Variants in EFR3A observed in about 807,000 individuals in gnomAD.
The protein encoded by EFR3A is protein EFR3 homolog A.
A neutral mutation model predicts 104.4 loss-of-function variants in EFR3A; 76 were observed. That is an observed-to-expected ratio of 0.73 (90% CI 0.60 to 0.88). EFR3A has a LOEUF of 0.88. EFR3A is among the 40% of genes least tolerant of loss of function. EFR3A has a pLI of 0.00. For missense variants in EFR3A, 985 were observed against 1,012.5 expected (o/e 0.97, Z 0.37); for synonymous variants, 330 against 330.0 (o/e 1.00, Z 0.00).
chr8:131,925,961 AT>A (rs955454375), intron 1 of EFR3A, among the ~76,000 whole-genome samples: 24 of 150,760 alleles, frequency 1.6e-4, no homozygotes, highest in Non-Finnish European at 2.1e-4. Flanking sequence ...TAATGTTATT[AT>A]TTTTTTTTGA....
At chr8:131,947,999 A>G (rs188690979) in intron 4 of EFR3A, among the ~76,000 whole-genome samples, 19 of 152,222 alleles carry the variant, frequency 1.2e-4, no homozygotes, top group African/African-American at 3.9e-4. Context: ...AATAGTGATA[A>G]TATTTTTTCT....
intron 8 of EFR3A, among the ~76,000 whole-genome samples, chr8:131,960,320 T>C (rs932862209): frequency 2.6e-5 from 4 of 152,146 alleles, no homozygotes; most frequent in Non-Finnish European, 5.9e-5. Flanking sequence ...CTATTATTTG[T>C]CGGATTCAAA....
At chr8:131,940,680 C>G in intron 2 of EFR3A, 105 bp downstream of exon 2, 1 of 1,444,786 alleles carries the variant, frequency 6.9e-7, no homozygotes, top group Non-Finnish European at 9.1e-7. Flanking sequence ...TTTACCCTTA[C>G]ATCTCATCAT....
At chr8:131,936,438 A>G (rs115184096) in intron 1 of EFR3A, among the ~76,000 whole-genome samples, 19 of 152,102 alleles carry the variant, frequency 1.2e-4, no homozygotes, top group African/African-American at 4.3e-4. Flanking sequence ...TAGTGTCACA[A>G]CCCACAGGTT....
At chr8:131,964,956 G>T (rs1171300841) in intron 8 of EFR3A, among the ~76,000 whole-genome samples, 1 of 152,086 alleles carries the variant, frequency 6.6e-6, no homozygotes, top group Non-Finnish European at 1.5e-5. Context: ...AGAAAAACAA[G>T]AAATGGGGAA....
rs960882260 is a variant in EFR3A at position 132,013,007 on chromosome 8, C to G, written c.*2112C>G. 3 of 152,056 alleles carry G rather than the reference C, an allele frequency of 2.0e-5. No individual in the cohort carries two copies. Among genetic ancestry groups the G allele is most frequent in the African/African-American group, 7.2e-5 (3 of 41,396 alleles). 9.4% of individuals were successfully genotyped at this position (152,056 alleles called of 1,614,324 possible). A position where few individuals can be genotyped will look rare whatever the true frequency, so the allele number is the denominator to read the frequency against. On this transcript the variant is annotated 3_prime_UTR_variant, in exon 23 of 23. Coordinates refer to ENST00000254624, the MANE Select transcript of EFR3A (RefSeq NM_015137.6). ...TGGATTTCTGAACTGGTCTTGTTGACAAGGATTCCCAAGAAATGGATCTTT... is the reference window on the plus strand; with the variant it reads ...TGGATTTCTGAACTGGTCTTGTTGAGAAGGATTCCCAAGAAATGGATCTTT...
rs779559600 is a variant in EFR3A at position 132,012,775 on chromosome 8, AATAT to A, written c.*1885_*1888del. ...TATAATTTAATAGTATAAAAAATAA[AATAT>A]ATATTCATTTGCACTTACGTGAAAC... is the stretch of plus-strand genomic sequence containing the variant. On this transcript the variant is annotated 3_prime_UTR_variant, in exon 23 of 23. Transcript: ENST00000254624. 1 of 152,294 alleles carries A rather than the reference AATAT, an allele frequency of 6.6e-6. No individual in the cohort carries two copies. Among genetic ancestry groups the A allele is most frequent in the African/African-American group, 2.4e-5 (1 of 41,416 alleles). 9.4% of individuals were successfully genotyped at this position (152,294 alleles called of 1,614,324 possible).
Position 131,934,469 on chromosome 8 carries a change from T to C in EFR3A, c.11-6030T>C, listed in dbSNP as rs144327939. 7.0e-4 allele frequency among the ~76,000 whole-genome samples: 106 copies of C among 152,306 alleles called. No homozygotes were observed. In the East Asian group the frequency reaches 0.016, roughly 23 times the overall value. On this transcript the variant is annotated intron_variant, in intron 1 of 22. Coordinates refer to ENST00000254624, the MANE Select transcript of EFR3A (RefSeq NM_015137.6). ...TACAGCTGTGCAGTCTATTTGACAT[T>C]GGAGAGCCTTTGTCCTAAAATGTCC...
chr8:131,952,076 C>T (rs748032718), intron 5 of EFR3A, among the ~76,000 whole-genome samples: 1 of 152,006 alleles, frequency 6.6e-6, no homozygotes, highest in Non-Finnish European at 1.5e-5. Flanking sequence ...CTTGTAGAGT[C>T]ATGCATCACA....
intron 5 of EFR3A, among the ~76,000 whole-genome samples, chr8:131,951,265 G>T (rs985282598): frequency 6.6e-6 from 1 of 152,066 alleles, no homozygotes; most frequent in Admixed American, 6.6e-5. Context: ...GATGCTGCTG[G>T]TATGATTTTT....
chr8:131,934,530 C>A (rs1463772193), intron 1 of EFR3A, among the ~76,000 whole-genome samples: 1 of 152,010 alleles, frequency 6.6e-6, no homozygotes, highest in Non-Finnish European at 1.5e-5. Flanking sequence ...TAAACTTTGT[C>A]TTTTAAAGTA....
At chr8:131,959,386 T>G (rs1819189938) in intron 7 of EFR3A, among the ~76,000 whole-genome samples, 199 bp from the exon 8 acceptor site, 1 of 152,186 alleles carries the variant, frequency 6.6e-6, no homozygotes, top group South Asian at 2.1e-4. Flanking sequence ...CGAAACTACT[T>G]CTGGTCCACA....
At chr8:131,989,227 G>A (rs929196114) in intron 18 of EFR3A, among the ~76,000 whole-genome samples, 1 of 152,066 alleles carries the variant, frequency 6.6e-6, no homozygotes, top group Non-Finnish European at 1.5e-5. Context: ...ATATTTTATG[G>A]GATACTGAAT....
intron 14 of EFR3A, among the ~76,000 whole-genome samples, chr8:131,982,095 C>G (rs1373605439): frequency 1.3e-5 from 2 of 152,084 alleles, no homozygotes; most frequent in Non-Finnish European, 2.9e-5. Flanking sequence ...CATGTTCTGT[C>G]TTCTTCATAA....
At chr8:132,004,166 C>T (rs947088782) in intron 22 of EFR3A, among the ~76,000 whole-genome samples, 7 of 152,138 alleles carry the variant, frequency 4.6e-5, no homozygotes, top group Admixed American at 6.5e-5. Context: ...TCCTGCTATA[C>T]TCTCTTAAGT....
In EFR3A at chr8:132,010,908, G is replaced by A. The variant is rs777895342; in HGVS notation, c.*13G>A. On this transcript the variant is annotated 3_prime_UTR_variant, in exon 23 of 23. Transcript: ENST00000254624. The stretch of plus-strand genomic sequence containing the variant: ...GTGTGTGTACTGATCGGCGCATGAA[G>A]ACCTCAGGATATGATTTGTAAAGCC... 2 of 1,582,448 alleles carry A rather than the reference G, an allele frequency of 1.3e-6. No homozygotes were observed. Among genetic ancestry groups the A allele is most frequent in the East Asian group, 2.2e-5 (1 of 44,528 alleles).
chr8:131,938,261 G>A (rs989965228), intron 1 of EFR3A: 3 of 397,926 alleles, frequency 7.5e-6, no homozygotes, highest in East Asian at 3.6e-5. Flanking sequence ...AGCTGAACTC[G>A]AAAAGCCTTA....
At chr8:131,948,700 C>T (rs1422396021) in intron 4 of EFR3A, among the ~76,000 whole-genome samples, 1 of 152,076 alleles carries the variant, frequency 6.6e-6, no homozygotes, top group Admixed American at 6.6e-5. Flanking sequence ...TTTAGTGAGT[C>T]ATTTGGGCAA....
intron 18 of EFR3A, among the ~76,000 whole-genome samples, chr8:131,990,053 T>TA (rs1368381568): frequency 6.6e-6 from 1 of 152,166 alleles, no homozygotes; most frequent in Admixed American, 6.5e-5. Context: ...CTCATACAGT[T>TA]ATTTAAGTAT....
Sources: gnomAD v4.1 joint callset for allele counts (sites outside exome capture counted in the v4.1 genomes callset) on GRCh38, gnomAD v4.1.1 for gene constraint, MANE v1.5 for transcripts, NCBI Gene and HGNC (gene_info 2026-07-23, HGNC 2026-07-21) for gene names.